DCC: variants seen among roughly 807,000 people sequenced by gnomAD.
DCC encodes the protein netrin receptor DCC.
A neutral mutation model predicts 172.5 loss-of-function variants in DCC; 58 were observed. That is an observed-to-expected ratio of 0.34 (90% CI 0.27 to 0.42). The LOEUF (loss-of-function observed/expected upper bound fraction) is 0.42, where lower values mean the gene tolerates loss of function less well. DCC is among the 10% of genes least tolerant of loss of function. The probability of loss-of-function intolerance (pLI) is 1.00; values close to 1 mark genes in which losing one functional copy is unlikely to be tolerated. For synonymous variants in DCC, 709 were observed against 644.5 expected (o/e 1.10, Z -1.52); for missense variants, 1,740 against 1,791.0 (o/e 0.97, Z 0.51).
intron 2 of DCC, among the ~76,000 whole-genome samples, chr18:52,784,476 T>G (rs1414978060): frequency 6.6e-6 from 1 of 152,084 alleles, no homozygotes; most frequent in Non-Finnish European, 1.5e-5. Context: ...TTTAGTCTTT[T>G]GAGAAACTTC....
intron 1 of DCC, among the ~76,000 whole-genome samples, chr18:52,343,605 G>T (rs1568124672): frequency 1.3e-5 from 2 of 152,140 alleles, no homozygotes; most frequent in African/African-American, 2.4e-5. Context: ...ATGAGCCACA[G>T]GCACAGGAAC....
chr18:52,433,381 T>G (rs1987687593), intron 1 of DCC, among the ~76,000 whole-genome samples: 1 of 152,206 alleles, frequency 6.6e-6, no homozygotes, highest in East Asian at 1.9e-4. Context: ...TGGTTATTAT[T>G]AGTGCTATAT....
At chr18:53,023,639 G>C (rs1352773492) in intron 5 of DCC, among the ~76,000 whole-genome samples, 2 of 152,020 alleles carry the variant, frequency 1.3e-5, no homozygotes, top group Non-Finnish European at 1.5e-5. Flanking sequence ...TTTGAGAGAT[G>C]CTTCTTCATT....
intron 9 of DCC, among the ~76,000 whole-genome samples, chr18:53,196,055 T>G (rs945098263): frequency 8.6e-5 from 13 of 152,036 alleles, no homozygotes; most frequent in African/African-American, 2.9e-4. Context: ...CAATGGGGAG[T>G]AATGAGACCC....
intron 1 of DCC, among the ~76,000 whole-genome samples, chr18:52,645,682 A>C (rs2035004945): frequency 6.6e-6 from 1 of 152,216 alleles, no homozygotes; most frequent in South Asian, 2.1e-4. Flanking sequence ...AAAAATAAAA[A>C]AAAATTATTG....
intron 2 of DCC, among the ~76,000 whole-genome samples, chr18:52,784,702 G>C (rs971761423): frequency 6.6e-6 from 1 of 151,956 alleles, no homozygotes; most frequent in Admixed American, 6.6e-5. Context: ...TTGGCCATTT[G>C]TATGTCTTCT....
intron 1 of DCC, among the ~76,000 whole-genome samples, chr18:52,602,865 G>T (rs886764231): frequency 6.6e-6 from 1 of 152,050 alleles, no homozygotes; most frequent in Non-Finnish European, 1.5e-5. Flanking sequence ...ACAATTAAAG[G>T]TGCAGGTTAT....
At chr18:53,441,462 A>G (rs1160717343) in intron 22 of DCC, among the ~76,000 whole-genome samples, 1 of 151,652 alleles carries the variant, frequency 6.6e-6, no homozygotes, top group African/African-American at 2.4e-5. Flanking sequence ...TGTTTCTTTA[A>G]TAATTATCAT....
At chr18:52,970,884 G>T (rs2041018388) in intron 5 of DCC, among the ~76,000 whole-genome samples, 1 of 152,156 alleles carries the variant, frequency 6.6e-6, no homozygotes, top group Non-Finnish European at 1.5e-5. Context: ...TGCAGAGAAA[G>T]ATCAGGGCAT....
At chr18:53,097,786 G>A (rs143707689) in intron 7 of DCC, among the ~76,000 whole-genome samples, 9 of 152,160 alleles carry the variant, frequency 5.9e-5, no homozygotes, top group East Asian at 5.8e-4. Context: ...CTGTGTCTTC[G>A]CATGACTTTC....
chr18:53,028,255 G>A (rs577939707), intron 5 of DCC, among the ~76,000 whole-genome samples: 4 of 151,904 alleles, frequency 2.6e-5, no homozygotes, highest in African/African-American at 4.8e-5. Flanking sequence ...CACTCTTTTC[G>A]TTTTGTTTTG....
intron 1 of DCC, among the ~76,000 whole-genome samples, chr18:52,633,302 GCAA>G (rs1467086941): frequency 6.6e-6 from 1 of 152,170 alleles, no homozygotes; most frequent in African/African-American, 2.4e-5. Context: ...GGAATAACCA[GCAA>G]CAATTGGCAA....
chr18:53,163,552 T>C (rs1271982646), intron 8 of DCC, among the ~76,000 whole-genome samples: 1 of 152,212 alleles, frequency 6.6e-6, no homozygotes, highest in Non-Finnish European at 1.5e-5. Context: ...AATAACTTTG[T>C]CAGGAAAGTT....
intron 1 of DCC, among the ~76,000 whole-genome samples, chr18:52,580,111 C>T (rs1464363142): frequency 1.3e-5 from 2 of 152,232 alleles, no homozygotes; most frequent in African/African-American, 4.8e-5. Flanking sequence ...AGCCTCTGTG[C>T]TGCAAGTTGG....
At chr18:53,089,724 T>G (rs973385761) in intron 7 of DCC, among the ~76,000 whole-genome samples, 7 of 152,180 alleles carry the variant, frequency 4.6e-5, no homozygotes, top group African/African-American at 1.4e-4. Flanking sequence ...TGGTTATACT[T>G]TAAGAAAATT....
chr18:52,673,038 G>T (rs569667142), intron 1 of DCC, among the ~76,000 whole-genome samples: 2 of 152,276 alleles, frequency 1.3e-5, no homozygotes, highest in African/African-American at 4.8e-5. Context: ...ACTCTAGCCT[G>T]GGCTACAGAG....
chr18:53,194,206 A>G (rs995941447), intron 9 of DCC, among the ~76,000 whole-genome samples: 3 of 152,158 alleles, frequency 2.0e-5, no homozygotes, highest in Admixed American at 6.5e-5. Context: ...GCTCAAATCA[A>G]TGTGAAGTAA....
chr18:52,564,243 C>G (rs1427768913), intron 1 of DCC, among the ~76,000 whole-genome samples: 1 of 152,086 alleles, frequency 6.6e-6, no homozygotes, highest in African/African-American at 2.4e-5. Flanking sequence ...AGAATAGATT[C>G]TCCATTTACA....
intron 7 of DCC, among the ~76,000 whole-genome samples, chr18:53,132,822 C>T (rs959232571): frequency 1.1e-4 from 17 of 152,132 alleles, no homozygotes; most frequent in African/African-American, 4.1e-4. Flanking sequence ...GGAGAAGGAC[C>T]CATCATTCTG....
Sources: allele counts gnomAD v4.1 joint callset (sites outside exome capture counted in the v4.1 genomes callset), GRCh38; gene constraint gnomAD v4.1.1; transcripts MANE v1.5; gene names NCBI Gene and HGNC (gene_info 2026-07-23, HGNC 2026-07-21).